SLC6A5: variants seen among roughly 807,000 people sequenced by gnomAD.
SLC6A5 encodes the protein solute carrier family 6 member 5.
In SLC6A5, 58 loss-of-function variants were observed where a neutral mutation model predicts 90.5. The ratio of observed to expected loss-of-function variants is 0.64; its 90% CI spans 0.52 to 0.80. The LOEUF (loss-of-function observed/expected upper bound fraction) is 0.80. Among genes scored for constraint, SLC6A5 ranks in the 30% least tolerant of loss-of-function variants. The pLI, the probability that SLC6A5 is intolerant of heterozygous loss-of-function variation, is 0.00. For missense variants in SLC6A5, 1,015 were observed against 1,017.6 expected (o/e 1.00, Z 0.03); for synonymous variants, 427 against 401.4 (o/e 1.06, Z -0.76).
chr11:20,599,733 A>G (rs1852421694), intron 1 of SLC6A5, 58 bp downstream of exon 1: 3 of 1,607,206 alleles, frequency 1.9e-6, no homozygotes, highest in Non-Finnish European at 2.6e-6. Flanking sequence ...CAGGGAAAGC[A>G]GATTCGTTTT....
At chr11:20,620,985 T>C (rs561060355) in intron 7 of SLC6A5, among the ~76,000 whole-genome samples, 101 of 151,990 alleles carry the variant, frequency 6.6e-4, no homozygotes, top group Non-Finnish European at 1.1e-3. Flanking sequence ...GTATTTTTAG[T>C]AGAGACAGGA....
intron 9 of SLC6A5, among the ~76,000 whole-genome samples, chr11:20,628,461 C>T (rs1479181505): frequency 6.6e-6 from 1 of 152,204 alleles, no homozygotes; most frequent in African/African-American, 2.4e-5. Flanking sequence ...CTAATCTCCT[C>T]TTCTTATAAA....
Position 20,658,617 on chromosome 11 carries a change from GCC to G in SLC6A5, c.*3751_*3752del, listed in dbSNP as rs1853664850. 2 of 152,210 alleles carry G rather than the reference GCC, an allele frequency of 1.3e-5. No individual in the cohort carries two copies. Among genetic ancestry groups the G allele is most frequent in the African/African-American group, 4.8e-5 (2 of 41,536 alleles). 9.4% of individuals were successfully genotyped at this position (152,210 alleles called of 1,614,324 possible). A position where few individuals can be genotyped will look rare whatever the true frequency, so the allele number is the denominator to read the frequency against. ...ATCTTTCCCAGATTTTGCTTTAATT[GCC>G]CAGAAAGGCCAAGTAGTTTTGAAAT... On this transcript the variant is annotated 3_prime_UTR_variant, in exon 16 of 16. Transcript: ENST00000525748.
chr11:20,636,208 T>A, intron 10 of SLC6A5, 99 bp from the exon 11 acceptor site: 1 of 756,902 alleles, frequency 1.3e-6, no homozygotes, highest in Non-Finnish European at 2.4e-6. Context: ...ATATAAGAAG[T>A]AATAAATGAG....
At chr11:20,649,710 C>T (rs1289855215) in intron 14 of SLC6A5, among the ~76,000 whole-genome samples, 1 of 152,138 alleles carries the variant, frequency 6.6e-6, no homozygotes, top group African/African-American at 2.4e-5. Flanking sequence ...AAATATTCTC[C>T]ATGCAATTAC....
chr11:20,650,463 G>C (rs984981398), intron 14 of SLC6A5, among the ~76,000 whole-genome samples: 2 of 151,938 alleles, frequency 1.3e-5, no homozygotes, highest in Non-Finnish European at 2.9e-5. Flanking sequence ...TAAAATCAAG[G>C]GGGGACTCAT....
At chr11:20,629,683 T>A (rs1590170655) in intron 9 of SLC6A5, among the ~76,000 whole-genome samples, 1 of 151,982 alleles carries the variant, frequency 6.6e-6, no homozygotes, top group Admixed American at 6.6e-5. Context: ...TTTGAAAACA[T>A]AAAATAAATT....
chr11:20,643,847 G>A (rs532663547), intron 13 of SLC6A5, among the ~76,000 whole-genome samples: 5 of 152,202 alleles, frequency 3.3e-5, no homozygotes, highest in African/African-American at 9.6e-5. Context: ...GCTGTCAGGG[G>A]TCTGGAGACT....
intron 7 of SLC6A5, among the ~76,000 whole-genome samples, chr11:20,618,494 G>C (rs979835823): frequency 3.3e-5 from 5 of 152,186 alleles, no homozygotes; most frequent in Admixed American, 2.6e-4. Context: ...GTTAGTGATC[G>C]CATGGCTGGG....
At chr11:20,620,305 T>C (rs915837382) in intron 7 of SLC6A5, among the ~76,000 whole-genome samples, 5 of 152,140 alleles carry the variant, frequency 3.3e-5, no homozygotes, top group African/African-American at 1.2e-4. Context: ...CAATCTTAGT[T>C]CAAATCCTGG....
chr11:20,623,228 G>A (rs1945778), intron 7 of SLC6A5, among the ~76,000 whole-genome samples: 5 of 152,000 alleles, frequency 3.3e-5, no homozygotes, highest in Admixed American at 1.3e-4. Context: ...CCTCTGGCAG[G>A]TCTGAACCTG....
At chr11:20,638,373 G>T (rs1406718610) in intron 12 of SLC6A5, 86 bp from the exon 13 acceptor site, 2 of 836,090 alleles carry the variant, frequency 2.4e-6, no homozygotes, top group Non-Finnish European at 4.2e-6. Context: ...CTCTTTTTAG[G>T]ATTGAGAGAA....
At position 20,656,525 on chromosome 11, in the gene SLC6A5, T is replaced by C. The variant is rs1290836733; in HGVS notation, c.*1657T>C. The C allele has an allele frequency of 6.6e-6, 1 of 152,128 alleles. No individual in the cohort carries two copies. Among genetic ancestry groups the C allele is most frequent in the Non-Finnish European group, 1.5e-5 (1 of 68,010 alleles). 9.4% of individuals were successfully genotyped at this position (152,128 alleles called of 1,614,324 possible). On this transcript the variant is annotated 3_prime_UTR_variant, in exon 16 of 16. Coordinates refer to ENST00000525748, the MANE Select transcript of SLC6A5 (RefSeq NM_004211.5). ...TTAATGTACATTTTTTTTTAAAAGA[T>C]TTCATTTGTTAAAAAAAGTCTCAAC...
chr11:20,658,325 G>A lies in SLC6A5; in HGVS notation c.*3457G>A, dbSNP rs1252180710. On this transcript the variant is annotated 3_prime_UTR_variant, in exon 16 of 16. Coordinates refer to ENST00000525748, the MANE Select transcript of SLC6A5 (RefSeq NM_004211.5). The stretch of plus-strand genomic sequence containing the variant: ...CAATAACTGTTGCTCAATGTAAGAT[G>A]AGATGGCAAGATCATACTACTGTTG... The A allele has an allele frequency of 6.6e-6, 1 of 152,170 alleles. No individual in the cohort carries two copies. The highest frequency in any genetic ancestry group is 1.5e-5 in the Non-Finnish European group (1 of 68,044). 9.4% of individuals were successfully genotyped at this position (152,170 alleles called of 1,614,324 possible). A position where few individuals can be genotyped will look rare whatever the true frequency, so the allele number is the denominator to read the frequency against.
chr11:20,605,028 A>G (rs1190072846), intron 3 of SLC6A5, among the ~76,000 whole-genome samples: 4 of 152,144 alleles, frequency 2.6e-5, no homozygotes, highest in African/African-American at 9.7e-5. Context: ...CTGCTGTTGA[A>G]TGAAAGCCGT....
chr11:20,609,577 A>G (rs1256412165), intron 5 of SLC6A5, among the ~76,000 whole-genome samples: 1 of 152,098 alleles, frequency 6.6e-6, no homozygotes, highest in Non-Finnish European at 1.5e-5. Flanking sequence ...TCCTTAAGAG[A>G]TGGATAAACT....
Position 20,652,349 on chromosome 11 carries a change from C to T in SLC6A5, c.2131C>T (p.Pro711Ser). The T allele has an allele frequency of 6.2e-7, 1 of 1,614,122 alleles. No individual in the cohort carries two copies. Among genetic ancestry groups the T allele is most frequent in the South Asian group, 1.1e-5 (1 of 91,076 alleles). The change falls in exon 15 of 16, where the codon CCT (proline) becomes TCT (serine). Residue 711 changes from proline (P) to serine (S), a missense_variant. By Grantham distance (74) the Pro-to-Ser change is moderately conservative. Coordinates refer to ENST00000525748, the MANE Select transcript of SLC6A5 (RefSeq NM_004211.5). ...CATGACCTATGGCTCTTACCGCTAT[C>T]CTAACTGGTCCATGGTGCTCGGATG... ...EPMTYGSYRY[P>S]NWSMVLGWLM...
chr11:20,637,902 T>C (rs962166997), intron 12 of SLC6A5, among the ~76,000 whole-genome samples: 1 of 152,216 alleles, frequency 6.6e-6, no homozygotes, highest in African/African-American at 2.4e-5. Context: ...ATTGCTTTTG[T>C]TGTCTCTGTG....
At position 20,601,520 on chromosome 11, in the gene SLC6A5, C is replaced by G. The variant is rs34243519; in HGVS notation, c.395C>G (p.Ala132Gly). Reference sequence around the variant, plus strand: ...TTTCTGCGAGGCCCGGAGGGGGATGCGAACGTGAGTGTGGGCAAGGGCACC... The same window carrying G: ...TTTCTGCGAGGCCCGGAGGGGGATGGGAACGTGAGTGTGGGCAAGGGCACC... ...IPFLRGPEGD[A>G]NVSVGKGTLE... Residue 132 changes from alanine to glycine, a missense_variant, in exon 2 of 16, where the codon GCG (alanine) becomes GGG (glycine). Physicochemically the swap from Ala to Gly is moderately conservative, Grantham distance 60. Transcript: ENST00000525748. 3.3e-3 allele frequency: 5,308 copies of G among 1,614,088 alleles called. 188 individuals carry two copies. In the African/African-American group the frequency reaches 0.063, roughly 19 times the overall value.
Sources: allele counts gnomAD v4.1 joint callset (sites outside exome capture counted in the v4.1 genomes callset), GRCh38; gene constraint gnomAD v4.1.1; transcripts MANE v1.5; gene names NCBI Gene and HGNC (gene_info 2026-07-23, HGNC 2026-07-21).